The following GALNT13 variants were observed in gnomAD, a reference collection of about 807,000 sequenced individuals.
GALNT13 encodes polypeptide N-acetylgalactosaminyltransferase 13, also known as UDP-GalNAc:polypeptide N-acetylgalactosaminyltransferase 13.
Under a neutral mutation model 64.2 loss-of-function variants are expected in GALNT13, and 28 were observed. That is an observed-to-expected ratio of 0.44 (90% CI 0.32 to 0.60). The LOEUF (loss-of-function observed/expected upper bound fraction) is 0.60. Among genes scored for constraint, GALNT13 ranks in the 20% least tolerant of loss-of-function variants. The pLI, the probability that GALNT13 is intolerant of heterozygous loss-of-function variation, is 0.05. For synonymous variants in GALNT13, 214 were observed against 224.6 expected (o/e 0.95, Z 0.42); for missense variants, 577 against 669.8 (o/e 0.86, Z 1.53).
chr2:154,259,212 T>C (rs1156918437), intron 8 of GALNT13, 74 bp downstream of exon 8: 1 of 807,802 alleles, frequency 1.2e-6, no homozygotes, highest in East Asian at 2.6e-5. Flanking sequence ...TCCCAGTAAT[T>C]TACTGTCAAA....
At chr2:153,194,796 C>A in the GALNT13 span, among the ~76,000 whole-genome samples, 1 of 148,112 alleles carries the variant, frequency 6.8e-6, no homozygotes, top group Non-Finnish European at 1.5e-5. Flanking sequence ...TGCTTTGATT[C>A]CAGTTGCACA....
At chr2:154,389,723 TA>T (rs1443577311) in intron 9 of GALNT13, among the ~76,000 whole-genome samples, 4 of 152,158 alleles carry the variant, frequency 2.6e-5, no homozygotes, top group Admixed American at 6.5e-5. Context: ...AAGAAGGCTT[TA>T]ACTGGGTGCT....
chr2:153,698,886 T>C, the GALNT13 span, among the ~76,000 whole-genome samples: 1 of 152,116 alleles, frequency 6.6e-6, no homozygotes, highest in South Asian at 2.1e-4. Context: ...TAACAAAAAG[T>C]CTCTCAGACC....
intron 2 of GALNT13, among the ~76,000 whole-genome samples, chr2:153,928,603 T>A (rs1690308734): frequency 6.6e-6 from 1 of 152,192 alleles, no homozygotes; most frequent in South Asian, 2.1e-4. Context: ...AGTCATTAAA[T>A]GCTATATCAA....
At chr2:154,074,566 C>T (rs2105397835) in intron 3 of GALNT13, among the ~76,000 whole-genome samples, 1 of 151,912 alleles carries the variant, frequency 6.6e-6, no homozygotes, top group African/African-American at 2.4e-5. Context: ...TAAGGGACAC[C>T]TCCCTGACTA....
At chr2:153,652,471 C>T in the GALNT13 span, among the ~76,000 whole-genome samples, 84 of 152,022 alleles carry the variant, frequency 5.5e-4, no homozygotes, top group South Asian at 1.2e-3. Flanking sequence ...AAAAATTAGC[C>T]GGGCGTGGTG....
chr2:153,992,480 G>A (rs973476064), intron 3 of GALNT13, among the ~76,000 whole-genome samples: 4 of 152,074 alleles, frequency 2.6e-5, no homozygotes, highest in Admixed American at 6.6e-5. Context: ...GAACAGGACC[G>A]AGTAATTTAA....
In GALNT13 at chr2:154,450,443, A is replaced by G; in HGVS notation, c.1563A>G (p.Gln521=). 3.1e-6 allele frequency: 5 copies of G among 1,612,704 alleles called. No individual in the cohort carries two copies. The South Asian group carries it at 3.3e-5, about 11-fold the overall frequency. The change falls in exon 13 of 13, where the codon CAA becomes CAG. Residue 521 remains glutamine (Q), a synonymous_variant. Coordinates refer to ENST00000392825, the MANE Select transcript of GALNT13 (RefSeq NM_052917.4). The part of the protein sequence containing the change: ...RLTLRHVNSN[Q]CLDEPSEEDK... The stretch of plus-strand genomic sequence containing the variant: ...CGTTGCGACATGTTAACAGTAACCA[A>G]TGTCTCGATGAACCTTCTGAAGAAG...
the GALNT13 span, among the ~76,000 whole-genome samples, chr2:153,291,430 T>C: frequency 1.3e-5 from 2 of 152,180 alleles, no homozygotes; most frequent in Non-Finnish European, 2.9e-5. Flanking sequence ...TAACCTAGGA[T>C]CACATAGTGG....
the GALNT13 span, among the ~76,000 whole-genome samples, chr2:153,429,348 T>C: frequency 6.6e-6 from 1 of 152,212 alleles, no homozygotes; most frequent in Admixed American, 6.5e-5. Context: ...TTTCTGTGAT[T>C]TACTGTGAAC....
chr2:153,339,685 G>A, the GALNT13 span, among the ~76,000 whole-genome samples: 2 of 152,078 alleles, frequency 1.3e-5, no homozygotes, highest in Non-Finnish European at 2.9e-5. Flanking sequence ...AAAATTCATT[G>A]CCTAACTCAA....
chr2:154,320,063 C>T (rs907376789), intron 9 of GALNT13, among the ~76,000 whole-genome samples: 2 of 151,908 alleles, frequency 1.3e-5, no homozygotes, highest in South Asian at 2.1e-4. Flanking sequence ...TATGTAATAA[C>T]AGACTATTAT....
chr2:153,252,166 A>G, the GALNT13 span, among the ~76,000 whole-genome samples: 35 of 147,632 alleles, frequency 2.4e-4, no homozygotes, highest in African/African-American at 8.4e-4. Flanking sequence ...TGCCATTCTA[A>G]CTGGTGTGAG....
At chr2:153,235,405 ACT>A in the GALNT13 span, among the ~76,000 whole-genome samples, 2 of 151,626 alleles carry the variant, frequency 1.3e-5, no homozygotes, top group Non-Finnish European at 2.9e-5. Flanking sequence ...CACTTGGGAA[ACT>A]CTCCTTATGG....
chr2:153,916,421 T>A, intron 2 of GALNT13, among the ~76,000 whole-genome samples: 1 of 152,074 alleles, frequency 6.6e-6, no homozygotes, highest in East Asian at 1.9e-4. Context: ...CCTCCCAAAC[T>A]GCTGGGATTA....
chr2:153,991,782 GT>G (rs1695172589), intron 3 of GALNT13, among the ~76,000 whole-genome samples: 2 of 152,082 alleles, frequency 1.3e-5, no homozygotes, highest in Admixed American at 1.3e-4. Flanking sequence ...TCAAGAAATT[GT>G]TTAATTTTTT....
the GALNT13 span, among the ~76,000 whole-genome samples, chr2:153,675,890 C>T: frequency 6.6e-6 from 1 of 151,918 alleles, no homozygotes; most frequent in Non-Finnish European, 1.5e-5. Flanking sequence ...ATTTATAGTG[C>T]TAAACACCCA....
At chr2:154,115,854 A>G (rs1010590703) in intron 3 of GALNT13, among the ~76,000 whole-genome samples, 2 of 152,156 alleles carry the variant, frequency 1.3e-5, no homozygotes. Context: ...CTTAATATTC[A>G]TTCCCATGCT....
chr2:154,043,455 T>TATATATATATAC (rs1341373277), intron 3 of GALNT13, among the ~76,000 whole-genome samples: 1 of 104,998 alleles, frequency 9.5e-6, no homozygotes, highest in Non-Finnish European at 1.8e-5. Context: ...TATATATATA[T>TATATATATATAC]ACACACATGT....
Sources: allele counts gnomAD v4.1 joint callset (sites outside exome capture counted in the v4.1 genomes callset), GRCh38; gene constraint gnomAD v4.1.1; transcripts MANE v1.5; gene names NCBI Gene and HGNC (gene_info 2026-07-23, HGNC 2026-07-21).